The following ADAMTS16 variants were observed in gnomAD, a reference collection of about 807,000 sequenced individuals.
ADAMTS16 encodes ADAM metallopeptidase with thrombospondin type 1 motif 16, also known as A disintegrin and metalloproteinase with thrombospondin motifs 16.
Under a neutral mutation model 145.8 loss-of-function variants are expected in ADAMTS16, and 94 were observed. The observed-to-expected ratio is 0.64, with a 90% CI of 0.55 to 0.77. The LOEUF is 0.77. ADAMTS16 is among the 30% of genes least tolerant of loss of function. The pLI is 0.00. For synonymous variants in ADAMTS16, 659 were observed against 604.3 expected, an observed-to-expected ratio of 1.09 and a Z score of -1.33; for missense variants, 1,585 against 1,591.5, an observed-to-expected ratio of 1.00 and a Z score of 0.07.
At chr5:5,272,408 C>T (rs1157563546) in intron 18 of ADAMTS16, among the ~76,000 whole-genome samples, 1 of 138,734 alleles carries the variant, frequency 7.2e-6, no homozygotes, top group Non-Finnish European at 1.5e-5. Context: ...GTCACCCAGG[C>T]TGGAGTGCAG....
At chr5:5,184,192 G>A (rs945899393) in intron 4 of ADAMTS16, among the ~76,000 whole-genome samples, 3 of 152,100 alleles carry the variant, frequency 2.0e-5, no homozygotes, top group East Asian at 1.9e-4. Flanking sequence ...CCAGGTCCTC[G>A]TGTCACCTGT....
chr5:5,194,563 G>A (rs1355162074), intron 8 of ADAMTS16, among the ~76,000 whole-genome samples: 1 of 152,180 alleles, frequency 6.6e-6, no homozygotes, highest in African/African-American at 2.4e-5. Context: ...AGGAGTAAAC[G>A]TTTCAAATGA....
chr5:5,194,127 A>G (rs987786337), intron 8 of ADAMTS16, among the ~76,000 whole-genome samples: 1 of 152,084 alleles, frequency 6.6e-6, no homozygotes, highest in African/African-American at 2.4e-5. Flanking sequence ...TAAGCCCTGC[A>G]TGTGGATGAA....
intron 8 of ADAMTS16, among the ~76,000 whole-genome samples, chr5:5,197,204 T>G (rs565100756): frequency 6.6e-6 from 1 of 152,326 alleles, no homozygotes; most frequent in South Asian, 2.1e-4. Flanking sequence ...CTGAAATAAG[T>G]GATACAGCCT....
intron 17 of ADAMTS16, among the ~76,000 whole-genome samples, chr5:5,252,288 G>A (rs1737653626): frequency 6.6e-6 from 1 of 152,200 alleles, no homozygotes; most frequent in African/African-American, 2.4e-5. Flanking sequence ...ACTCCAGGGA[G>A]CCCCCAGAGA....
intron 9 of ADAMTS16, among the ~76,000 whole-genome samples, chr5:5,205,700 A>G (rs1736086326): frequency 6.6e-6 from 1 of 152,148 alleles, no homozygotes; most frequent in Non-Finnish European, 1.5e-5. Context: ...TATGATGTTG[A>G]GATCTTTTTA....
intron 14 of ADAMTS16, 41 bp from the exon 15 acceptor site, chr5:5,239,110 C>A: frequency 1.4e-6 from 2 of 1,452,612 alleles, no homozygotes; most frequent in Non-Finnish European, 1.8e-6. Flanking sequence ...CTGTGTTGTC[C>A]TTTCTTTCAT....
chr5:5,222,976 C>T lies in ADAMTS16; in HGVS notation c.1701+92C>T, dbSNP rs1427484687. ...TCCTCTTGCATAGGTATTTTTAAAA[C>T]ATGTATTTCTCATATACATATGCAT... On this transcript the variant is annotated intron_variant, in intron 11 of 22. Coordinates refer to ENST00000274181, the MANE Select transcript of ADAMTS16 (RefSeq NM_139056.4). 4 of 1,137,630 alleles carry T rather than the reference C, an allele frequency of 3.5e-6. No homozygotes were observed. The Admixed American group carries it at 6.9e-5, about 20-fold the overall frequency. 70.5% of individuals were successfully genotyped at this position (1,137,630 alleles called of 1,614,324 possible). A position where few individuals can be genotyped will look rare whatever the true frequency, so the allele number is the denominator to read the frequency against.
At chr5:5,308,661 C>G (rs1740286488) in intron 21 of ADAMTS16, among the ~76,000 whole-genome samples, 1 of 152,130 alleles carries the variant, frequency 6.6e-6, no homozygotes, top group Non-Finnish European at 1.5e-5. Context: ...CAGCATAGAT[C>G]AAGGCTACTC....
rs1734299703 is a variant in ADAMTS16 at position 5,146,417 on chromosome 5, A to G, written c.463A>G (p.Arg155Gly). The change falls in exon 3 of 23, where the codon AGA becomes GGA. Residue 155 changes from arginine to glycine, a missense_variant. Arg to Gly is a moderately radical substitution (Grantham distance 125). Transcript: ENST00000274181. ...CFYQGSLRSHRNSSVALSTCQ... is the reference protein window; with the variant it reads ...CFYQGSLRSHGNSSVALSTCQ... ...CTATCAAGGCTCTTTGCGATCACAC[A>G]GAAACTCCTCAGTGGCCCTTTCAAC... is the stretch of plus-strand genomic sequence containing the variant. 6.2e-7 allele frequency: 1 copy of G among 1,612,678 alleles called. No homozygotes were observed. Among genetic ancestry groups the G allele is most frequent in the African/African-American group, 1.3e-5 (1 of 74,924 alleles).
chr5:5,143,572 G>T (rs1030248028), intron 2 of ADAMTS16, among the ~76,000 whole-genome samples: 16 of 152,290 alleles, frequency 1.1e-4, no homozygotes, highest in African/African-American at 3.1e-4. Context: ...ACAGTGTGGC[G>T]ATTCCTCAAG....
intron 18 of ADAMTS16, among the ~76,000 whole-genome samples, chr5:5,271,929 C>T (rs1738492929): frequency 6.6e-6 from 1 of 152,170 alleles, no homozygotes; most frequent in African/African-American, 2.4e-5. Flanking sequence ...TACATGGGTC[C>T]GTAGCTCTGC....
At chr5:5,232,182 GGTAAGGA>G (rs973159822) in intron 11 of ADAMTS16, among the ~76,000 whole-genome samples, 179 bp from the exon 12 acceptor site, 6 of 66,338 alleles carry the variant, frequency 9.0e-5, no homozygotes, top group African/African-American at 5.1e-4. Context: ...TGCTAGGTTG[GGTAAGGA>G]AAAAAAAAAC....
chr5:5,253,972 G>A (rs936270854), intron 17 of ADAMTS16, among the ~76,000 whole-genome samples: 1 of 152,186 alleles, frequency 6.6e-6, no homozygotes, highest in African/African-American at 2.4e-5. Context: ...AAGAGCTTGT[G>A]TCTTTTCGCG....
chr5:5,242,225 C>G lies in ADAMTS16; in HGVS notation c.2662+34C>G, dbSNP rs531061634. On this transcript the variant is annotated intron_variant, in intron 17 of 22. Coordinates refer to ENST00000274181, the MANE Select transcript of ADAMTS16 (RefSeq NM_139056.4). ...CTTCCAGTGCTGCTCCTGGAGGCAG[C>G]ATGTCAGCCTTCAGCCACTGCGTAC... 3.0e-5 allele frequency: 49 copies of G among 1,608,934 alleles called. 1 individual carries two copies. The highest frequency in any genetic ancestry group is 1.6e-4 in the African/African-American group (12 of 74,940).
At chr5:5,178,331 T>A (rs1735251206) in intron 3 of ADAMTS16, among the ~76,000 whole-genome samples, 2 of 152,214 alleles carry the variant, frequency 1.3e-5, no homozygotes, top group South Asian at 4.1e-4. Context: ...TGAGGCCTGG[T>A]TAATAATCCA....
At chr5:5,168,686 AATTATAT>A (rs1734962324) in intron 3 of ADAMTS16, among the ~76,000 whole-genome samples, 2 of 17,832 alleles carry the variant, frequency 1.1e-4, no homozygotes, top group Non-Finnish European at 2.2e-4. Flanking sequence ...ATAATTATAT[AATTATAT>A]AAATATAATA....
intron 21 of ADAMTS16, among the ~76,000 whole-genome samples, chr5:5,307,861 T>C (rs1740246387): frequency 6.6e-6 from 1 of 152,162 alleles, no homozygotes; most frequent in South Asian, 2.1e-4. Flanking sequence ...CCTTGGGTCC[T>C]AGACATGGTC....
At chr5:5,249,658 G>A (rs148939335) in intron 17 of ADAMTS16, among the ~76,000 whole-genome samples, 6 of 152,088 alleles carry the variant, frequency 3.9e-5, no homozygotes, top group Non-Finnish European at 8.8e-5. Flanking sequence ...GGGTGTCTGC[G>A]ACCCCTGGAG....
Sources: gnomAD v4.1 joint callset for allele counts (sites outside exome capture counted in the v4.1 genomes callset) on GRCh38, gnomAD v4.1.1 for gene constraint, MANE v1.5 for transcripts, NCBI Gene and HGNC (gene_info 2026-07-23, HGNC 2026-07-21) for gene names.